Variants in TCOF1 observed in about 807,000 individuals in gnomAD.
TCOF1 encodes treacle ribosome biogenesis factor 1, also known as treacle protein.
TCOF1 carries 33 observed loss-of-function variants against 149.0 expected under a neutral mutation model. The ratio of observed to expected loss-of-function variants is 0.22; its 90% CI spans 0.17 to 0.30. The LOEUF (loss-of-function observed/expected upper bound fraction) is 0.30, where lower values mean the gene tolerates loss of function less well. Among genes scored for constraint, TCOF1 ranks in the 10% least tolerant of loss-of-function variants. The pLI is 1.00. For missense variants in TCOF1, 1,728 were observed against 1,840.7 expected, an observed-to-expected ratio of 0.94 and a Z score of 1.12; for synonymous variants, 789 against 738.8, an observed-to-expected ratio of 1.07 and a Z score of -1.10.
At chr5:150,385,124 A>G in intron 17 of TCOF1, 2 of 972,596 alleles carry the variant, frequency 2.1e-6, no homozygotes, top group Non-Finnish European at 2.4e-6. Flanking sequence ...TATGTGTATC[A>G]AAACATCATG....
At chr5:150,380,509 G>A (rs1764916801) in intron 17 of TCOF1, 1 of 152,740 alleles carries the variant, frequency 6.5e-6, no homozygotes, top group South Asian at 2.1e-4. Context: ...ACATAGGCAG[G>A]CGCATCTTCT....
chr5:150,375,855 G>A lies in TCOF1; in HGVS notation c.1839G>A (p.Glu613=). 1 of 1,614,222 alleles carries A rather than the reference G, an allele frequency of 6.2e-7. No homozygotes were observed. Among genetic ancestry groups the A allele is most frequent in the Non-Finnish European group, 8.5e-7 (1 of 1,180,046 alleles). The part of the protein sequence containing the change: ...KPMDNSESSE[E]SSDSADSEEA... ...TGGACAACTCGGAGAGCAGCGAGGA[G>A]TCATCGGACAGTGCGGACAGTGAGG... Residue 613 remains glutamate, a synonymous_variant, in exon 12 of 27, where the codon GAG becomes GAA. Transcript: ENST00000643257.
At position 150,372,254 on chromosome 5, in the gene TCOF1, G is replaced by T. The variant is rs1244643619; in HGVS notation, c.870+18G>T. 1.3e-6 allele frequency: 2 copies of T among 1,594,118 alleles called. No individual in the cohort carries two copies. The highest frequency in any genetic ancestry group is 2.2e-5 in the South Asian group (2 of 88,938). On this transcript the variant is annotated intron_variant, in intron 7 of 26. Coordinates refer to ENST00000643257, the MANE Select transcript of TCOF1 (RefSeq NM_001371623.1). ...GAAGCCAGGTGAGGCCTGGAGGAGG[G>T]CTGCCCCTTGGAGGACCTGCGGGTC... is the stretch of plus-strand genomic sequence containing the variant.
intron 14 of TCOF1, among the ~76,000 whole-genome samples, chr5:150,377,562 T>C (rs1764097486): frequency 6.6e-6 from 1 of 152,242 alleles, no homozygotes; most frequent in East Asian, 1.9e-4. Flanking sequence ...TAGTCATTTC[T>C]TTTTTCTCTG....
rs1017530401 is a variant in TCOF1, at chr5:150,396,395, C to G, written c.3898C>G (p.Leu1300Val). 8.7e-6 allele frequency: 14 copies of G among 1,613,906 alleles called. No individual in the cohort carries two copies. Among genetic ancestry groups the G allele is most frequent in the Non-Finnish European group, 1.2e-5 (14 of 1,180,054 alleles). ...LALQSNITQC[L>V]LGQPWPLNEA... is the part of the protein sequence containing the mutation. ...GCTGCAAAGCAACATCACCCAGTGC[C>G]TCCTGGGCCAACCCTGGCCCCTGAA... The change falls in exon 24 of 27, where the codon CTC (leucine) becomes GTC (valine). Residue 1300 changes from leucine to valine, a missense_variant. By Grantham distance (32) the Leu-to-Val change is conservative. This residue lies in a region of TCOF1 where 1,696 missense variants were observed against 1,765.4 expected (regional missense o/e 0.96). Transcript: ENST00000643257.
intron 18 of TCOF1, among the ~76,000 whole-genome samples, chr5:150,388,831 T>G (rs1189018144): frequency 2.0e-5 from 3 of 152,032 alleles, no homozygotes; most frequent in Admixed American, 2.0e-4. Context: ...CTTGAGAGGG[T>G]AAGCCACGAG....
In TCOF1 at chr5:150,375,764, G is replaced by C. The variant is rs756058042; in HGVS notation, c.1748G>C (p.Ser583Thr). ...GNILQAKPTS[S>T]PAKGPPQKAG... is the part of the protein sequence containing the mutation. ...ATCCTCCAGGCCAAACCCACCTCCA[G>C]TCCTGCCAAGGGGCCCCCTCAGAAG... is the stretch of plus-strand genomic sequence containing the variant. The change falls in exon 12 of 27, where the codon AGT (serine) becomes ACT (threonine). Residue 583 changes from serine to threonine, a missense_variant. Ser to Thr is a moderately conservative substitution (Grantham distance 58, BLOSUM62 1). Coordinates refer to ENST00000643257, the MANE Select transcript of TCOF1 (RefSeq NM_001371623.1). 4.6e-5 allele frequency: 75 copies of C among 1,614,246 alleles called. 1 individual carries two copies. The South Asian group carries it at 7.9e-4, about 17-fold the overall frequency.
At chr5:150,376,930 G>T (rs1763943258) in intron 14 of TCOF1, among the ~76,000 whole-genome samples, 2 of 152,258 alleles carry the variant, frequency 1.3e-5, no homozygotes, top group Non-Finnish European at 2.9e-5. Context: ...CCTCAGGGAA[G>T]TCCTGTCTCT....
At chr5:150,396,914 C>G (rs982662405) in intron 24 of TCOF1, 72 bp downstream of exon 24, 2 of 1,511,520 alleles carry the variant, frequency 1.3e-6, no homozygotes, top group African/African-American at 1.4e-5. Flanking sequence ...GGACCCTCAG[C>G]CAGCACCTGG....
At chr5:150,398,617 G>GC (rs1378212803) in intron 25 of TCOF1, among the ~76,000 whole-genome samples, 166 bp downstream of exon 25, 2 of 152,182 alleles carry the variant, frequency 1.3e-5, no homozygotes, top group Non-Finnish European at 2.9e-5. Flanking sequence ...TGTTCCCTGA[G>GC]CACATGGAAG....
rs764314276 is a variant in TCOF1, at chr5:150,375,721, G to A, written c.1705G>A (p.Glu569Lys). ...EVPTAVAPAQ[E>K]KSLGNILQAK... is the part of the protein sequence containing the mutation. ...CCCGATCCTGTGTATCTCACTCCAG[G>A]AAAAGTCCTTGGGGAACATCCTCCA... Residue 569 changes from glutamate (E) to lysine (K), a missense_variant and splice_region_variant, in exon 12 of 27, where the codon GAA becomes AAA. Coordinates refer to ENST00000643257, the MANE Select transcript of TCOF1 (RefSeq NM_001371623.1). 1 of 1,614,238 alleles carries A rather than the reference G, an allele frequency of 6.2e-7. No individual in the cohort carries two copies. Among genetic ancestry groups the A allele is most frequent in the South Asian group, 1.1e-5 (1 of 91,088 alleles).
At chr5:150,392,327 C>T (rs1561532375) in intron 21 of TCOF1, 151 bp downstream of exon 21, 1 of 754,276 alleles carries the variant, frequency 1.3e-6, no homozygotes. Flanking sequence ...TGTACAACTT[C>T]ATGAGGAAGT....
intron 17 of TCOF1, among the ~76,000 whole-genome samples, chr5:150,386,580 G>T (rs1766351122): frequency 6.6e-6 from 1 of 152,062 alleles, no homozygotes; most frequent in Non-Finnish European, 1.5e-5. Flanking sequence ...GGTGTGCTAA[G>T]TCAGGCTCAG....
chr5:150,363,951 A>G (rs1360955354), intron 2 of TCOF1, among the ~76,000 whole-genome samples, 162 bp from the exon 3 acceptor site: 1 of 152,258 alleles, frequency 6.6e-6, no homozygotes, highest in Non-Finnish European at 1.5e-5. Flanking sequence ...GTGAGTGAAA[A>G]TGCAGAATAC....
At position 150,364,260 on chromosome 5, in the gene TCOF1, C is replaced by T; in HGVS notation, c.304+8C>T. The T allele has an allele frequency of 6.2e-7, 1 of 1,614,032 alleles. No individual in the cohort carries two copies. On this transcript the variant is annotated splice_region_variant and intron_variant, in intron 3 of 26. Transcript: ENST00000643257. ...CCGAAACCGCCAAAGCCAGTAAGAG[C>T]CTTGCAGCTTTGGGAACAGGCTATG...
intron 21 of TCOF1, 102 bp downstream of exon 21, chr5:150,392,278 C>A: frequency 1.6e-6 from 2 of 1,218,398 alleles, no homozygotes; most frequent in Non-Finnish European, 1.1e-6. Flanking sequence ...CAGACTCATT[C>A]TGCACCTGTG....
chr5:150,391,226 C>T (rs1767369913), intron 19 of TCOF1, among the ~76,000 whole-genome samples: 1 of 152,162 alleles, frequency 6.6e-6, no homozygotes, highest in Admixed American at 6.5e-5. Flanking sequence ...TTTCCATGCC[C>T]ACCACTCTCC....
intron 3 of TCOF1, 131 bp downstream of exon 3, chr5:150,364,383 A>T (rs928282455): frequency 1.5e-6 from 2 of 1,355,848 alleles, no homozygotes; most frequent in Middle Eastern, 2.1e-4. Context: ...AGGGCACCAC[A>T]TATCTTTGGC....
chr5:150,396,300 C>T lies in TCOF1; in HGVS notation c.3803C>T (p.Ser1268Leu). ...SPKTGGKEAASGTTPQKSRKP... is the reference protein window; with the variant it reads ...SPKTGGKEAALGTTPQKSRKP... ...TCCATAGGTGGAAAAGAGGCTGCTTCAGGCACCACACCTCAGAAGTCCCGG... is the reference window on the plus strand; with the variant it reads ...TCCATAGGTGGAAAAGAGGCTGCTTTAGGCACCACACCTCAGAAGTCCCGG... The change falls in exon 24 of 27, where the codon TCA becomes TTA. Residue 1268 changes from serine (S) to leucine (L), a missense_variant. By Grantham distance (145) the Ser-to-Leu change is moderately radical. Around this residue, in one of 2 missense-constraint regions of TCOF1, gnomAD observed 1,696 missense variants for 1,765.4 expected, o/e 0.96. Transcript: ENST00000643257. The T allele has an allele frequency of 1.2e-6, 2 of 1,614,058 alleles. No homozygotes were observed. Among genetic ancestry groups the T allele is most frequent in the Non-Finnish European group, 8.5e-7 (1 of 1,180,048 alleles).
Sources: allele counts gnomAD v4.1 joint callset (sites outside exome capture counted in the v4.1 genomes callset), GRCh38; gene constraint gnomAD v4.1.1; regional missense constraint gnomAD v4.1.1; transcripts MANE v1.5; gene names NCBI Gene and HGNC (gene_info 2026-07-23, HGNC 2026-07-21).